KCNT1: variants seen among roughly 807,000 people sequenced by gnomAD.
KCNT1 encodes the protein potassium channel subfamily T member 1.
KCNT1 carries 78 observed loss-of-function variants against 147.8 expected under a neutral mutation model. The observed-to-expected ratio is 0.53, with a 90% CI of 0.44 to 0.64. KCNT1 has a LOEUF of 0.64. KCNT1 is among the 30% of genes least tolerant of loss of function. KCNT1 has a pLI of 0.00. For synonymous variants in KCNT1, 867 were observed against 748.8 expected (o/e 1.16, Z -2.58); for missense variants, 1,419 against 1,750.3 (o/e 0.81, Z 3.38).
At chr9:135,757,460 C>CG in intron 9 of KCNT1, 79 bp downstream of exon 9, 1 of 1,320,078 alleles carries the variant, frequency 7.6e-7, no homozygotes, top group Non-Finnish European at 1.1e-6. Context: ...CACTGTGCGA[C>CG]GTAGCCTGCC....
At chr9:135,709,893 C>G (rs1183265641) in intron 1 of KCNT1, among the ~76,000 whole-genome samples, 2 of 152,194 alleles carry the variant, frequency 1.3e-5, no homozygotes, top group Non-Finnish European at 2.9e-5. Flanking sequence ...GTTAGCCAGG[C>G]TGGTCTCAAA....
chr9:135,781,654 A>AAT (rs398012564), intron 24 of KCNT1, among the ~76,000 whole-genome samples: 2,018 of 151,956 alleles, frequency 0.013, 34 homozygotes, highest in Middle Eastern at 0.055. Flanking sequence ...AAAAAAAAAA[A>AAT]TTGAAGAAAA....
At chr9:135,739,933 C>T (rs1008712619) in intron 2 of KCNT1, among the ~76,000 whole-genome samples, 1 of 152,126 alleles carries the variant, frequency 6.6e-6, no homozygotes, top group Admixed American at 6.5e-5. Flanking sequence ...GGGCCCACAC[C>T]TCATTTATTG....
chr9:135,784,113 AC>A lies in KCNT1; in HGVS notation c.2932del (p.Leu978CysfsTer7), dbSNP rs1833832559. 6.2e-7 allele frequency: 1 copy of A among 1,604,030 alleles called. No individual in the cohort carries two copies. Among genetic ancestry groups the A allele is most frequent in the Non-Finnish European group, 8.5e-7 (1 of 1,179,788 alleles). On this transcript the variant is annotated frameshift_variant, in exon 25 of 31. Coordinates refer to ENST00000371757, the MANE Select transcript of KCNT1 (RefSeq NM_020822.3). LOFTEE classifies it high-confidence loss of function. ...TCTTCAGCATCAGCATGTTGGACAC[AC>A]TGCTCTACCAGGTCAGCGGGGAAGC... is the stretch of plus-strand genomic sequence containing the variant. ...RVFSISMLDT[L>X]LYQSFVKDYM...
chr9:135,712,023 A>C (rs1835516844), intron 1 of KCNT1, among the ~76,000 whole-genome samples: 1 of 152,222 alleles, frequency 6.6e-6, no homozygotes, highest in African/African-American at 2.4e-5. Flanking sequence ...GCCGCCCAGC[A>C]GGACTGATGG....
intron 21 of KCNT1, among the ~76,000 whole-genome samples, chr9:135,778,191 G>A (rs1833319945): frequency 6.6e-6 from 1 of 152,198 alleles, no homozygotes; most frequent in Non-Finnish European, 1.5e-5. Context: ...TGAGCCCAGG[G>A]TCATCTTGGC....
intron 29 of KCNT1, among the ~76,000 whole-genome samples, chr9:135,788,645 T>A (rs1454207897): frequency 6.6e-6 from 1 of 152,130 alleles, no homozygotes; most frequent in Non-Finnish European, 1.5e-5. Context: ...CTGGGCTGGA[T>A]GCAGGGGTGG....
In KCNT1 at chr9:135,752,331, GC is replaced by G. The variant is rs1182863661; in HGVS notation, c.434+1292del. 2.2e-6 allele frequency: 1 copy of G among 456,186 alleles called. No homozygotes were observed. Among genetic ancestry groups the G allele is most frequent in the Non-Finnish European group, 4.4e-6 (1 of 226,860 alleles). The allele number at this position is 456,186 out of a possible 1,614,324, so 28.3% of individuals were successfully genotyped here. On this transcript the variant is annotated intron_variant, in intron 4 of 30. Transcript: ENST00000371757. The surrounding 1 kb of genome is among the most constrained non-coding windows in gnomAD (Gnocchi z 5.1). ...TCACAAGGGGGCCTGGCATCCCCAG[GC>G]CAGAGACTTTCCCTCTCCTAAGAAT...
chr9:135,783,133 C>T (rs1018787263), intron 24 of KCNT1, among the ~76,000 whole-genome samples: 1 of 152,204 alleles, frequency 6.6e-6, no homozygotes, highest in African/African-American at 2.4e-5. Context: ...GAGTTGGCCA[C>T]GGCCGGGTCC....
At chr9:135,735,491 G>A (rs1043413400) in intron 2 of KCNT1, among the ~76,000 whole-genome samples, 2 of 151,982 alleles carry the variant, frequency 1.3e-5, no homozygotes, top group African/African-American at 2.4e-5. Context: ...CCTGTGGCAC[G>A]GGTGCATGGA....
chr9:135,769,989 C>A lies in KCNT1; in HGVS notation c.1553C>A (p.Ala518Glu), dbSNP rs751063680. Residue 518 changes from alanine (A) to glutamate (E), a missense_variant, in exon 16 of 31, where the codon GCG becomes GAG. Physicochemically the swap from Ala to Glu is moderately radical, Grantham distance 107. Around this residue, in one of 5 missense-constraint regions of KCNT1, gnomAD observed 401 missense variants for 610.6 expected, o/e 0.66. Transcript: ENST00000371757. ...GAGGAGTGCAAGTACGCCATGCTGG[C>A]GCTGAACTGCATCTGCCCGGCGACC... Reference protein sequence around the residue: ...CEEECKYAMLALNCICPATST... With the variant: ...CEEECKYAMLELNCICPATST... The A allele has an allele frequency of 6.4e-7, 1 of 1,557,090 alleles. No individual in the cohort carries two copies. Among genetic ancestry groups the A allele is most frequent in the Non-Finnish European group, 8.7e-7 (1 of 1,150,616 alleles).
chr9:135,750,335 G>C (rs958021457), intron 3 of KCNT1, among the ~76,000 whole-genome samples, 158 bp downstream of exon 3: 2 of 152,010 alleles, frequency 1.3e-5, no homozygotes, highest in Non-Finnish European at 2.9e-5. Context: ...GCAGGGTGGG[G>C]GTGGGTCTGC....
Position 135,791,878 on chromosome 9 carries a change from TTGTG to T in KCNT1, c.3587_3587+3del. On this transcript the variant is annotated splice_donor_variant and coding_sequence_variant, in exon 30 of 31. Transcript: ENST00000371757. LOFTEE classifies it high-confidence loss of function. ...GACACGAGGCTGGAGCCCAGTGACATTGTGTGAGTAGCACCTGTGGGCTGTGTGG... is the reference window on the plus strand; with the variant it reads ...GACACGAGGCTGGAGCCCAGTGACATTGAGTAGCACCTGTGGGCTGTGTGG... The T allele has an allele frequency of 6.2e-7, 1 of 1,613,586 alleles. No individual in the cohort carries two copies. The highest frequency in any genetic ancestry group is 8.5e-7 in the Non-Finnish European group (1 of 1,179,804).
rs1833239934 is a variant in KCNT1, at chr9:135,777,338, G to A, written c.2350G>A (p.Gly784Ser). Residue 784 changes from glycine (G) to serine (S), a missense_variant and splice_region_variant, in exon 21 of 31, where the codon GGC becomes AGC. This residue lies in a region of KCNT1 where 247 missense variants were observed against 397.1 expected (regional missense o/e 0.62). Transcript: ENST00000371757. The stretch of plus-strand genomic sequence containing the variant: ...CCCTGACTCCAGCATCTGCCCCCAG[G>A]GCTGCAAGCACAACAGCTATGAAGA... ...APFCCLRLDK[G>S]CKHNSYEDAK... 6.2e-7 allele frequency: 1 copy of A among 1,613,014 alleles called. No homozygotes were observed. Among genetic ancestry groups the A allele is most frequent in the Non-Finnish European group, 8.5e-7 (1 of 1,179,332 alleles).
chr9:135,783,081 C>G (rs1833730399), intron 24 of KCNT1, among the ~76,000 whole-genome samples: 1 of 152,222 alleles, frequency 6.6e-6, no homozygotes, highest in Non-Finnish European at 1.5e-5. Flanking sequence ...TGCTTGGAGG[C>G]CGAGCTCCAG....
intron 2 of KCNT1, 71 bp from the exon 3 acceptor site, chr9:135,750,027 G>C (rs1831057602): frequency 1.6e-6 from 2 of 1,263,288 alleles, no homozygotes; most frequent in African/African-American, 1.5e-5. Context: ...AGTCAGGTTG[G>C]GGCTCCCGGC....
At chr9:135,754,165 C>T (rs966400213) in intron 5 of KCNT1, among the ~76,000 whole-genome samples, 172 bp downstream of exon 5, 1 of 152,178 alleles carries the variant, frequency 6.6e-6, no homozygotes, top group Non-Finnish European at 1.5e-5. Context: ...GCTCAGAGGC[C>T]TGGGACCAGG....
At chr9:135,732,266 G>A (rs1048465209) in intron 2 of KCNT1, among the ~76,000 whole-genome samples, 2 of 151,910 alleles carry the variant, frequency 1.3e-5, no homozygotes, top group Non-Finnish European at 2.9e-5. Flanking sequence ...TGATCTGCCC[G>A]CCTCAGCCTC....
At position 135,765,054 on chromosome 9, in the gene KCNT1, G is replaced by A; in HGVS notation, c.1059G>A (p.Trp353Ter). 1.2e-6 allele frequency: 2 copies of A among 1,612,440 alleles called. No homozygotes were observed. Residue 353 changes from tryptophan to a stop codon, truncating the protein, a stop_gained, in exon 12 of 31, where the codon TGG becomes TGA. Coordinates refer to ENST00000371757, the MANE Select transcript of KCNT1 (RefSeq NM_020822.3). LOFTEE classifies it high-confidence loss of function. Reference sequence around the variant, plus strand: ...AGTTCGAGGAGCTCGTCTACCTCTGGATGGAGCGGCAGAAGTCAGGGGGCA... The same window carrying A: ...AGTTCGAGGAGCTCGTCTACCTCTGAATGGAGCGGCAGAAGTCAGGGGGCA... ...PLQFEELVYL[W>*]MERQKSGGNY...
Sources: gnomAD v4.1 joint callset for allele counts (sites outside exome capture counted in the v4.1 genomes callset) on GRCh38, gnomAD v4.1.1 for gene constraint, gnomAD v4.1.1 regional missense constraint, Gnocchi (gnomAD v3.1) non-coding constraint, MANE v1.5 for transcripts, NCBI Gene and HGNC (gene_info 2026-07-23, HGNC 2026-07-21) for gene names.